Variants in IL20RB observed in about 807,000 individuals in gnomAD.
IL20RB encodes interleukin 20 receptor subunit beta, also known as interleukin-20 receptor subunit beta.
IL20RB carries 21 observed loss-of-function variants against 33.3 expected under a neutral mutation model. The ratio of observed to expected loss-of-function variants is 0.63; its 90% CI spans 0.45 to 0.91. IL20RB has a LOEUF of 0.91. IL20RB is among the 40% of genes least tolerant of loss of function. The pLI, the probability that IL20RB is intolerant of heterozygous loss-of-function variation, is 0.00. For missense variants in IL20RB, 345 were observed against 384.8 expected (o/e 0.90, Z 0.86); for synonymous variants, 147 against 146.8 (o/e 1.00, Z -0.01).
At chr3:137,003,624 G>C (rs1042458114) in intron 6 of IL20RB, among the ~76,000 whole-genome samples, 2 of 152,178 alleles carry the variant, frequency 1.3e-5, no homozygotes, top group South Asian at 2.1e-4. Context: ...TTTGTATCCT[G>C]AGGCTTTGCT....
intron 1 of IL20RB, among the ~76,000 whole-genome samples, chr3:136,970,317 A>G (rs1360382523): frequency 6.6e-6 from 1 of 151,672 alleles, no homozygotes. Context: ...CTGGTCTCGA[A>G]CTCCTGAGCT....
At chr3:137,007,829 T>C (rs1044288088) in intron 6 of IL20RB, among the ~76,000 whole-genome samples, 6 of 152,158 alleles carry the variant, frequency 3.9e-5, no homozygotes, top group Non-Finnish European at 8.8e-5. Flanking sequence ...ATGAACCAGG[T>C]ACCTCAGTTG....
intron 3 of IL20RB, among the ~76,000 whole-genome samples, chr3:136,987,010 C>T (rs1036844248): frequency 6.6e-6 from 1 of 151,900 alleles, no homozygotes; most frequent in African/African-American, 2.4e-5. Context: ...AAGCTGCAGA[C>T]CTTCGCGGTG....
At chr3:137,007,595 C>G (rs983120749) in intron 6 of IL20RB, among the ~76,000 whole-genome samples, 9 of 152,228 alleles carry the variant, frequency 5.9e-5, no homozygotes, top group African/African-American at 1.9e-4. Flanking sequence ...CCTGCCGAGC[C>G]AGGCACGAGA....
At chr3:136,958,251 T>A (rs1169930062) in intron 1 of IL20RB, 50 bp downstream of exon 1, 3 of 1,125,892 alleles carry the variant, frequency 2.7e-6, no homozygotes, top group African/African-American at 1.5e-5. Flanking sequence ...GAATATAGGT[T>A]AAGAAGGCAA....
intron 1 of IL20RB, among the ~76,000 whole-genome samples, chr3:136,958,445 A>C (rs1431589601): frequency 6.6e-6 from 1 of 152,206 alleles, no homozygotes; most frequent in Admixed American, 6.5e-5. Flanking sequence ...CATCAAAATA[A>C]ATAAAAGCAG....
At chr3:137,001,655 T>A (rs190022824) in intron 6 of IL20RB, among the ~76,000 whole-genome samples, 1 of 152,334 alleles carries the variant, frequency 6.6e-6, no homozygotes, top group Non-Finnish European at 1.5e-5. Flanking sequence ...GTTTAATTTA[T>A]CTGTATGGAC....
At chr3:136,984,622 A>G (rs946485054) in intron 3 of IL20RB, among the ~76,000 whole-genome samples, 1 of 151,612 alleles carries the variant, frequency 6.6e-6, no homozygotes, top group African/African-American at 2.4e-5. Flanking sequence ...GAAGGTTTAG[A>G]AGAAGAGGAG....
At chr3:136,997,677 C>T (rs972011887) in intron 6 of IL20RB, among the ~76,000 whole-genome samples, 4 of 149,458 alleles carry the variant, frequency 2.7e-5, no homozygotes, top group Non-Finnish European at 5.9e-5. Context: ...AGGTGTGTCT[C>T]TTATAGACAG....
At chr3:136,979,365 C>A (rs1457078230) in intron 1 of IL20RB, among the ~76,000 whole-genome samples, 1 of 152,162 alleles carries the variant, frequency 6.6e-6, no homozygotes, top group African/African-American at 2.4e-5. Flanking sequence ...CAGCAGGTGC[C>A]AATCTGGAGA....
At chr3:136,989,207 A>G (rs915320618) in intron 3 of IL20RB, among the ~76,000 whole-genome samples, 8 of 152,232 alleles carry the variant, frequency 5.3e-5, no homozygotes, top group African/African-American at 1.7e-4. Flanking sequence ...GAAGAGAATT[A>G]TAGCATTTGT....
chr3:136,999,728 C>G (rs889634480), intron 6 of IL20RB, among the ~76,000 whole-genome samples: 1 of 152,082 alleles, frequency 6.6e-6, no homozygotes, highest in African/African-American at 2.4e-5. Flanking sequence ...AACCTATCTT[C>G]TTGTTCACTG....
chr3:136,962,364 G>T (rs1941243485), intron 1 of IL20RB, among the ~76,000 whole-genome samples: 2 of 152,084 alleles, frequency 1.3e-5, no homozygotes, highest in African/African-American at 4.8e-5. Context: ...GTGAGTGTCT[G>T]GAAAAAATGT....
intron 1 of IL20RB, chr3:136,980,243 A>G (rs1941734096): frequency 1.9e-6 from 1 of 534,562 alleles, no homozygotes; most frequent in East Asian, 3.4e-5. Flanking sequence ...TAGTGTTAAC[A>G]TAAGCATGAT....
At position 136,966,131 on chromosome 3, in the gene IL20RB, C is replaced by G. The variant is rs531943939; in HGVS notation, c.88+7930C>G. Among the ~76,000 whole-genome samples, 189 of 141,764 alleles carry G rather than the reference C, an allele frequency of 1.3e-3. 1 individual carries two copies. Among genetic ancestry groups the G allele is most frequent in the Middle Eastern group, 6.9e-3 (2 of 288 alleles). 93.0% of individuals were successfully genotyped at this position (141,764 alleles called of 152,430 possible). A position where few individuals can be genotyped will look rare whatever the true frequency, so the allele number is the denominator to read the frequency against. On this transcript the variant is annotated intron_variant, in intron 1 of 6. Coordinates refer to ENST00000329582, the MANE Select transcript of IL20RB (RefSeq NM_144717.4). Reference sequence around the variant, plus strand: ...TATTGAGGATTTTTGCATCAATGTTCATCAAGGATATAGGTCTAAGATTCT... The same window carrying G: ...TATTGAGGATTTTTGCATCAATGTTGATCAAGGATATAGGTCTAAGATTCT...
intron 1 of IL20RB, among the ~76,000 whole-genome samples, chr3:136,975,981 G>C (rs1417117943): frequency 6.6e-6 from 1 of 152,196 alleles, no homozygotes; most frequent in Non-Finnish European, 1.5e-5. Context: ...GGCAGTAGCA[G>C]TGGCAGGATA....
intron 6 of IL20RB, among the ~76,000 whole-genome samples, chr3:136,999,557 A>T (rs1204915376): frequency 4.9e-5 from 7 of 142,586 alleles, no homozygotes; most frequent in African/African-American, 5.2e-5. Context: ...TTCTTCAGGT[A>T]TTTTTTTTTT....
chr3:136,974,596 A>G lies in IL20RB; in HGVS notation c.89-5870A>G, dbSNP rs76750529. ...ATCTTTGACTTCAGACAGTCTAACT[A>G]TAATGACCATTTTACATTGTATCTC... On this transcript the variant is annotated intron_variant, in intron 1 of 6. Coordinates refer to ENST00000329582, the MANE Select transcript of IL20RB (RefSeq NM_144717.4). 1.5e-4 allele frequency among the ~76,000 whole-genome samples: 23 copies of G among 152,288 alleles called. No homozygotes were observed. The East Asian group carries it at 4.4e-3, about 29-fold the overall frequency.
intron 1 of IL20RB, among the ~76,000 whole-genome samples, chr3:136,977,745 C>T (rs772570577): frequency 2.0e-5 from 3 of 152,092 alleles, no homozygotes; most frequent in African/African-American, 7.2e-5. Context: ...AGGCTGGCCT[C>T]GAACTCCTGA....
Sources: gnomAD v4.1 joint callset for allele counts (sites outside exome capture counted in the v4.1 genomes callset) on GRCh38, gnomAD v4.1.1 for gene constraint, MANE v1.5 for transcripts, NCBI Gene and HGNC (gene_info 2026-07-23, HGNC 2026-07-21) for gene names.